CIITA: variants seen among roughly 807,000 people sequenced by gnomAD.
CIITA encodes MHC class II transactivator.
CIITA carries 72 observed loss-of-function variants against 115.1 expected under a neutral mutation model. The observed-to-expected ratio is 0.63, with a 90% CI of 0.52 to 0.76. CIITA has a LOEUF of 0.76. Among genes scored for constraint, CIITA ranks in the 30% least tolerant of loss-of-function variants. The pLI is 0.00. For synonymous variants in CIITA, 763 were observed against 635.6 expected, an observed-to-expected ratio of 1.20 and a Z score of -3.02; for missense variants, 1,617 against 1,463.8, an observed-to-expected ratio of 1.10 and a Z score of -1.71.
intron 15 of CIITA, among the ~76,000 whole-genome samples, chr16:10,917,983 C>T (rs1178762909): frequency 6.6e-6 from 1 of 152,148 alleles, no homozygotes; most frequent in Non-Finnish European, 1.5e-5. Flanking sequence ...CTTCCGTCCC[C>T]CTCTTTCTTA....
rs137889634 is a variant in CIITA at position 10,871,450 on chromosome 16, T to C, written c.-21+5131T>C. Among the ~76,000 whole-genome samples, 230 of 152,364 alleles carry C rather than the reference T, an allele frequency of 1.5e-3. No individual in the cohort carries two copies. In the Middle Eastern group the frequency reaches 0.024, roughly 16 times the overall value. On this transcript the variant is annotated intron_variant, in intron 1 of 5. Coordinates refer to the CIITA transcript ENST00000636238. Reference sequence around the variant, plus strand: ...TACATTTTATTGATTCCTCTGACTCTACTTTGTTGGTTGTTTTTGTTGTTC... The same window carrying C: ...TACATTTTATTGATTCCTCTGACTCCACTTTGTTGGTTGTTTTTGTTGTTC...
chr16:10,898,749 T>G lies in CIITA; in HGVS notation c.358+17T>G, dbSNP rs2038397404. ...ACATTTTCAGTAAGTTTGTGGTGGG[T>G]GGGGAGGTCTTGGCTCAGCCTGCAT... On this transcript the variant is annotated intron_variant, in intron 4 of 19. Transcript: ENST00000324288. The G allele has an allele frequency of 1.2e-6, 2 of 1,610,684 alleles. No individual in the cohort carries two copies. The highest frequency in any genetic ancestry group is 1.3e-5 in the African/African-American group (1 of 74,728).
At chr16:10,870,495 C>T (rs968406507) in intron 1 of CIITA, among the ~76,000 whole-genome samples, 3 of 152,182 alleles carry the variant, frequency 2.0e-5, no homozygotes, top group Non-Finnish European at 4.4e-5. Context: ...GAAGTTAAAG[C>T]AAACATTTAG....
intron 1 of CIITA, among the ~76,000 whole-genome samples, chr16:10,882,892 C>T (rs779270805): frequency 3.9e-5 from 6 of 152,082 alleles, no homozygotes; most frequent in Non-Finnish European, 8.8e-5. Context: ...AGTGAAACTC[C>T]GTCTCAAAAA....
chr16:10,878,191 C>A (rs2036028909), intron 1 of CIITA, among the ~76,000 whole-genome samples: 1 of 152,236 alleles, frequency 6.6e-6, no homozygotes, highest in African/African-American at 2.4e-5. Context: ...GGGGTGGTAT[C>A]CCTTTTCTCA....
intron 1 of CIITA, among the ~76,000 whole-genome samples, chr16:10,892,597 G>A (rs944679635): frequency 2.0e-5 from 3 of 152,166 alleles, no homozygotes; most frequent in African/African-American, 7.2e-5. Flanking sequence ...CCTGGAACCT[G>A]TCAGTGTGAC....
In CIITA at chr16:10,920,452, G is replaced by C. The variant is rs1475918267; in HGVS notation, c.3150-1715G>C. 6.6e-6 allele frequency among the ~76,000 whole-genome samples: 1 copy of C among 152,128 alleles called. No homozygotes were observed. The highest frequency in any genetic ancestry group is 1.5e-5 in the Non-Finnish European group (1 of 68,026). ...AGTAGAGACAGGGCTTCGCCATGTG[G>C]CCCAGACTGGTCTTGAAATCCTGGG... On this transcript the variant is annotated intron_variant, in intron 16 of 19. Coordinates refer to ENST00000324288, the MANE Select transcript of CIITA (RefSeq NM_000246.4). This position sits in a 1 kb window ranked among gnomAD's most constrained non-coding sequence, Gnocchi z 4.5.
chr16:10,889,832 C>T (rs757083692), intron 1 of CIITA, among the ~76,000 whole-genome samples: 1 of 152,186 alleles, frequency 6.6e-6, no homozygotes, highest in Non-Finnish European at 1.5e-5. Context: ...ATTGGGAAAA[C>T]TGATGTTCAG....
upstream of CIITA, among the ~76,000 whole-genome samples, chr16:10,876,967 C>T (rs1208518914): frequency 6.6e-6 from 1 of 152,172 alleles, no homozygotes; most frequent in Non-Finnish European, 1.5e-5. Context: ...AAGGTTCCCC[C>T]AACAGACTTT....
At chr16:10,871,774 T>C (rs1273420930) in intron 1 of CIITA, among the ~76,000 whole-genome samples, 2 of 152,192 alleles carry the variant, frequency 1.3e-5, no homozygotes, top group Admixed American at 1.3e-4. Context: ...GAGGGGGATG[T>C]GTTGGCGAGG....
In CIITA at chr16:10,930,300, TG is replaced by T. The variant is rs1169455916; in HGVS notation, c.*6446del. ...ATGTTAAACATGTGACATGTATTGTTGTTTGACAGGGTGCTATTGACATTTG... is the reference window on the plus strand; with the variant it reads ...ATGTTAAACATGTGACATGTATTGTTTTTGACAGGGTGCTATTGACATTTG... On this transcript the variant is annotated 3_prime_UTR_variant, in exon 20 of 20. Transcript: ENST00000324288. The T allele has an allele frequency of 6.6e-6, 1 of 152,252 alleles. No homozygotes were observed. The highest frequency in any genetic ancestry group is 1.5e-5 in the Non-Finnish European group (1 of 68,040). 9.4% of individuals were successfully genotyped at this position (152,252 alleles called of 1,614,324 possible).
intron 13 of CIITA, among the ~76,000 whole-genome samples, chr16:10,912,981 A>G (rs1463642087): frequency 1.3e-5 from 2 of 152,262 alleles, no homozygotes; most frequent in African/African-American, 4.8e-5. Flanking sequence ...ACAACCCTAC[A>G]GGGACTTCGT....
At position 10,923,396 on chromosome 16, in the gene CIITA, C is replaced by G; in HGVS notation, c.*22+71C>G. On this transcript the variant is annotated intron_variant, in intron 19 of 19. Coordinates refer to ENST00000324288, the MANE Select transcript of CIITA (RefSeq NM_000246.4). The surrounding 1 kb of genome is among the most constrained non-coding windows in gnomAD (Gnocchi z 5.2). ...GCAGTGTCCTTGTGAAGGTGGCATT[C>G]AAAAAATGTGGGCGGGACACAGGTG... 1.6e-6 allele frequency: 2 copies of G among 1,262,862 alleles called. No homozygotes were observed. The highest frequency in any genetic ancestry group is 1.2e-6 in the Non-Finnish European group (1 of 866,970). 78.2% of individuals were successfully genotyped at this position (1,262,862 alleles called of 1,614,324 possible).
intron 5 of CIITA, among the ~76,000 whole-genome samples, chr16:10,900,696 C>A (rs144038742): frequency 6.6e-6 from 1 of 151,300 alleles, no homozygotes; most frequent in African/African-American, 2.4e-5. Context: ...GCCAAGATTG[C>A]GCCAGTGCAC....
At chr16:10,913,883 G>A (rs929985912) in intron 13 of CIITA, among the ~76,000 whole-genome samples, 2 of 151,846 alleles carry the variant, frequency 1.3e-5, no homozygotes, top group Non-Finnish European at 2.9e-5. Context: ...GGAGGTTGCG[G>A]TGAGCTGAGA....
rs1360385481 is a variant in CIITA, at chr16:10,907,977, C to G, written c.2485C>G (p.Leu829Val). Residue 829 changes from leucine (L) to valine (V), a missense_variant, in exon 11 of 20, where the codon CTC becomes GTC. Leu to Val is a conservative substitution (Grantham distance 32). Transcript: ENST00000324288. The surrounding 1 kb of genome is among the most constrained non-coding windows in gnomAD (Gnocchi z 5.0). The part of the protein sequence containing the change: ...AGIWQHVVQE[L>V]PGRLSFLGTR... Reference sequence around the variant, plus strand: ...AATTTGGCAGCACGTGGTACAGGAGCTCCCCGGCCGCCTCTCTTTTCTGGG... The same window carrying G: ...AATTTGGCAGCACGTGGTACAGGAGGTCCCCGGCCGCCTCTCTTTTCTGGG... The G allele has an allele frequency of 1.3e-6, 2 of 1,581,496 alleles. No individual in the cohort carries two copies. The highest frequency in any genetic ancestry group is 2.7e-5 in the African/African-American group (2 of 73,984).
chr16:10,894,735 A>G (rs557725543), intron 1 of CIITA, among the ~76,000 whole-genome samples: 33 of 152,222 alleles, frequency 2.2e-4, no homozygotes, highest in Non-Finnish European at 4.7e-4. Flanking sequence ...AAGTCCACCC[A>G]AAGCAGTAGA....
rs1485662814 is a variant in CIITA, at chr16:10,923,197, A to C, written c.3318-31A>C. On this transcript the variant is annotated intron_variant, in intron 18 of 19. Coordinates refer to ENST00000324288, the MANE Select transcript of CIITA (RefSeq NM_000246.4). The surrounding 1 kb of genome is among the most constrained non-coding windows in gnomAD (Gnocchi z 5.2). ...GCCCCAGGCCGCCCTCTCTCCTCTAACCTGGCTCTGAGTCCCATCCCCCCT... is the reference window on the plus strand; with the variant it reads ...GCCCCAGGCCGCCCTCTCTCCTCTACCCTGGCTCTGAGTCCCATCCCCCCT... The C allele has an allele frequency of 6.2e-7, 1 of 1,607,364 alleles. No homozygotes were observed. The highest frequency in any genetic ancestry group is 1.7e-5 in the Admixed American group (1 of 60,014).
chr16:10,867,148 G>A (rs1287753854), intron 1 of CIITA, among the ~76,000 whole-genome samples: 1 of 152,122 alleles, frequency 6.6e-6, no homozygotes, highest in Admixed American at 6.5e-5. Context: ...GGAGGCTGAG[G>A]CAGGAGAATT....
Sources: allele counts gnomAD v4.1 joint callset (sites outside exome capture counted in the v4.1 genomes callset), GRCh38; gene constraint gnomAD v4.1.1; non-coding constraint Gnocchi (gnomAD v3.1); transcripts MANE v1.5; gene names NCBI Gene and HGNC (gene_info 2026-07-23, HGNC 2026-07-21).